The following CDKL2 variants were observed in gnomAD, a reference collection of about 807,000 sequenced individuals.
CDKL2 encodes the protein cyclin dependent kinase like 2, also known as cyclin-dependent kinase-like 2.
A neutral mutation model predicts 63.9 loss-of-function variants in CDKL2; 64 were observed. That is an observed-to-expected ratio of 1.00 (90% CI 0.82 to 1.23). The LOEUF is 1.23. Among genes scored for constraint, CDKL2 ranks in the 50% most tolerant of loss-of-function variants. The pLI, the probability that CDKL2 is intolerant of heterozygous loss-of-function variation, is 0.00. For missense variants in CDKL2, 656 were observed against 668.0 expected (o/e 0.98, Z 0.20); for synonymous variants, 211 against 229.2 (o/e 0.92, Z 0.72).
intron 2 of CDKL2, among the ~76,000 whole-genome samples, chr4:75,614,957 A>ATATATATATGTATATT (rs1225867231): frequency 6.0e-4 from 64 of 106,876 alleles, no homozygotes; most frequent in African/African-American, 1.5e-3. Context: ...ATATATATAT[A>ATATATATATGTATATT]CACTATATAT....
chr4:75,615,376 GAGAA>G (rs749726965), intron 2 of CDKL2, among the ~76,000 whole-genome samples: 3 of 152,130 alleles, frequency 2.0e-5, no homozygotes, highest in Non-Finnish European at 4.4e-5. Context: ...GGGAAGAAAG[GAGAA>G]AGAAACATAA....
chr4:75,582,862 A>C (rs1260163496), intron 12 of CDKL2, among the ~76,000 whole-genome samples: 3 of 152,200 alleles, frequency 2.0e-5, no homozygotes, highest in Non-Finnish European at 4.4e-5. Context: ...AATTACAGAG[A>C]TCAGAAGACA....
rs1310328102 is a variant in CDKL2, at chr4:75,578,143, C to T, written c.*1059G>A. 1 of 152,154 alleles carries T rather than the reference C, an allele frequency of 6.6e-6. No individual in the cohort carries two copies. The highest frequency in any genetic ancestry group is 1.5e-5 in the Non-Finnish European group (1 of 68,038). The allele number at this position is 152,154 out of a possible 1,614,324, so 9.4% of individuals were successfully genotyped here. A position where few individuals can be genotyped will look rare whatever the true frequency, so the allele number is the denominator to read the frequency against. On this transcript the variant is annotated 3_prime_UTR_variant, in exon 14 of 14. Coordinates refer to ENST00000307465, the MANE Select transcript of CDKL2 (RefSeq NM_001330724.2). ...CCACCTAAAAAGTTTTGGATCCATGCATTGGAAAAGATGTGTGGAATGCAG... is the reference window on the plus strand; with the variant it reads ...CCACCTAAAAAGTTTTGGATCCATGTATTGGAAAAGATGTGTGGAATGCAG...
rs1408955022 is a variant in CDKL2, at chr4:75,578,021, T to C, written c.*1181A>G. 1 of 145,508 alleles carries C rather than the reference T, an allele frequency of 6.9e-6. No individual in the cohort carries two copies. The highest frequency in any genetic ancestry group is 2.1e-4 in the East Asian group (1 of 4,740). The allele number at this position is 145,508 out of a possible 1,614,324, so 9.0% of individuals were successfully genotyped here. A position where few individuals can be genotyped will look rare whatever the true frequency, so the allele number is the denominator to read the frequency against. On this transcript the variant is annotated 3_prime_UTR_variant, in exon 14 of 14. Coordinates refer to ENST00000307465, the MANE Select transcript of CDKL2 (RefSeq NM_001330724.2). ...AAAAAAAAAAAAAAAACTCACAAATTCTGGTTCCCTAAACAACCATTCTCT... is the reference window on the plus strand; with the variant it reads ...AAAAAAAAAAAAAAAACTCACAAATCCTGGTTCCCTAAACAACCATTCTCT...
intron 3 of CDKL2, among the ~76,000 whole-genome samples, chr4:75,607,858 G>C (rs1399469109): frequency 1.3e-5 from 2 of 152,206 alleles, no homozygotes; most frequent in African/African-American, 4.8e-5. Context: ...TGTCACCCAG[G>C]ATGGAGTGCA....
intron 3 of CDKL2, among the ~76,000 whole-genome samples, chr4:75,610,833 G>T (rs1422362978): frequency 2.0e-5 from 3 of 151,866 alleles, no homozygotes; most frequent in Non-Finnish European, 4.4e-5. Flanking sequence ...TTATATATAT[G>T]TATGTATGTA....
chr4:75,588,694 T>A (rs1454884301), intron 12 of CDKL2, among the ~76,000 whole-genome samples: 1 of 152,180 alleles, frequency 6.6e-6, no homozygotes, highest in Non-Finnish European at 1.5e-5. Flanking sequence ...CTCTGTCCAC[T>A]AAGAGGGCCT....
At chr4:75,583,484 T>C (rs1207024077) in intron 12 of CDKL2, among the ~76,000 whole-genome samples, 1 of 152,186 alleles carries the variant, frequency 6.6e-6, no homozygotes, top group South Asian at 2.1e-4. Context: ...TCCAAATCTT[T>C]CACGGAATCA....
chr4:75,625,726 A>T (rs1211453220), intron 2 of CDKL2, 95 bp downstream of exon 2: 2 of 829,146 alleles, frequency 2.4e-6, no homozygotes, highest in Non-Finnish European at 3.7e-6. Context: ...TTCACCAGAT[A>T]AATGAATTTG....
In CDKL2 at chr4:75,596,597, C is replaced by T. The variant is rs370020311; in HGVS notation, c.1323-257G>A. Among the ~76,000 whole-genome samples the T allele has an allele frequency of 2.7e-3, 411 of 152,334 alleles. 3 individuals carry two copies. Among genetic ancestry groups the T allele is most frequent in the South Asian group, 8.5e-3 (41 of 4,824 alleles). Reference sequence around the variant, plus strand: ...AATTCCCAAATGGAGCTTCCTTATACTACTATAGGCTCACAGTCACACCAT... The same window carrying T: ...AATTCCCAAATGGAGCTTCCTTATATTACTATAGGCTCACAGTCACACCAT... On this transcript the variant is annotated intron_variant, in intron 9 of 13. Transcript: ENST00000307465.
chr4:75,629,171 T>C (rs554425297), intron 1 of CDKL2, among the ~76,000 whole-genome samples: 2 of 152,348 alleles, frequency 1.3e-5, no homozygotes, highest in South Asian at 2.1e-4. Flanking sequence ...CACTAGGCTT[T>C]AGGTTTATCA....
chr4:75,590,004 A>G (rs921727558), intron 12 of CDKL2, among the ~76,000 whole-genome samples: 5 of 149,924 alleles, frequency 3.3e-5, no homozygotes, highest in Admixed American at 3.3e-4. Flanking sequence ...AAAAGAGGCC[A>G]GGTACAGTGG....
Position 75,611,153 on chromosome 4 carries a change from TAGA to T in CDKL2, c.363+3099_363+3101del, listed in dbSNP as rs540880631. Among the ~76,000 whole-genome samples, 4 of 152,144 alleles carry T rather than the reference TAGA, an allele frequency of 2.6e-5. No homozygotes were observed. The South Asian group carries it at 8.3e-4, about 32-fold the overall frequency. On this transcript the variant is annotated intron_variant, in intron 3 of 13. Coordinates refer to ENST00000307465, the MANE Select transcript of CDKL2 (RefSeq NM_001330724.2). ...AGAAAGAGGGTAAGAAATCACAATC[TAGA>T]AGAGTTTAAGAGTAAATGGAGGCTG...
At chr4:75,589,466 G>A (rs1274500148) in intron 12 of CDKL2, among the ~76,000 whole-genome samples, 3 of 150,904 alleles carry the variant, frequency 2.0e-5, no homozygotes, top group Admixed American at 6.6e-5. Context: ...CACTACGCCC[G>A]GCTAATTTTT....
intron 4 of CDKL2, 124 bp from the exon 5 acceptor site, chr4:75,605,758 TC>T: frequency 1.6e-6 from 1 of 620,776 alleles, no homozygotes; most frequent in Non-Finnish European, 2.9e-6. Flanking sequence ...TTTCAGATTC[TC>T]AGATTTGGCA....
chr4:75,596,071 C>A (rs993231867), intron 10 of CDKL2, 176 bp downstream of exon 10: 2 of 402,410 alleles, frequency 5.0e-6, no homozygotes, highest in Middle Eastern at 6.7e-4. Flanking sequence ...AAAACTTAAA[C>A]TTTCAGAATT....
chr4:75,618,011 G>C (rs556243707), intron 2 of CDKL2, among the ~76,000 whole-genome samples: 1 of 146,034 alleles, frequency 6.8e-6, no homozygotes, highest in Non-Finnish European at 1.5e-5. Flanking sequence ...TGAGGCATGA[G>C]AATCGCTTGA....
chr4:75,592,381 A>G (rs1304214997), intron 10 of CDKL2, 112 bp from the exon 11 acceptor site: 1 of 835,304 alleles, frequency 1.2e-6, no homozygotes, highest in Non-Finnish European at 1.7e-6. Context: ...TTGAAGGTCT[A>G]TAATAAAAAA....
rs1270028149 is a variant in CDKL2 at position 75,598,098 on chromosome 4, T to C, written c.999A>G (p.Glu333=). 5.2e-6 allele frequency: 8 copies of C among 1,536,046 alleles called. No individual in the cohort carries two copies. Among genetic ancestry groups the C allele is most frequent in the Non-Finnish European group, 7.1e-6 (8 of 1,133,082 alleles). The change falls in exon 8 of 14, where the codon GAA becomes GAG. Residue 333 remains glutamate, a synonymous_variant. Transcript: ENST00000307465. ...TTACCTGTACCACAAGTGTTTTTCT[T>C]TCTTCAACTAAGGAATCATCTTTTT... ...EKEKDDSLVE[E]RKTLVVQDTN...
Sources: gnomAD v4.1 joint callset for allele counts (sites outside exome capture counted in the v4.1 genomes callset) on GRCh38, gnomAD v4.1.1 for gene constraint, MANE v1.5 for transcripts, NCBI Gene and HGNC (gene_info 2026-07-23, HGNC 2026-07-21) for gene names.